Variants in CNKSR3 observed in about 807,000 individuals in gnomAD.
CNKSR3 encodes the protein CNKSR family member 3, also known as connector enhancer of kinase suppressor of ras 3.
A neutral mutation model predicts 67.7 loss-of-function variants in CNKSR3; 36 were observed. The observed-to-expected ratio is 0.53, with a 90% CI of 0.41 to 0.70. CNKSR3 has a LOEUF of 0.70. CNKSR3 is among the 30% of genes least tolerant of loss of function. The pLI, the probability that CNKSR3 is intolerant of heterozygous loss-of-function variation, is 0.00. For missense variants in CNKSR3, 630 were observed against 695.2 expected (o/e 0.91, Z 1.05); for synonymous variants, 281 against 271.4 (o/e 1.04, Z -0.35).
intron 9 of CNKSR3, among the ~76,000 whole-genome samples, chr6:154,416,607 G>C (rs1400646353): frequency 6.6e-6 from 1 of 152,122 alleles, no homozygotes; most frequent in African/African-American, 2.4e-5. Flanking sequence ...TCAAAACAGA[G>C]TGGTGAATGC....
At chr6:154,492,762 A>AAC (rs1786806551) in intron 1 of CNKSR3, among the ~76,000 whole-genome samples, 1 of 151,626 alleles carries the variant, frequency 6.6e-6, no homozygotes, top group Admixed American at 6.6e-5. Context: ...AAAAAAACAA[A>AAC]AAACAAAAAA....
chr6:154,413,528 C>T (rs73572877), intron 10 of CNKSR3, among the ~76,000 whole-genome samples: 2,522 of 152,152 alleles, frequency 0.017, 74 homozygotes, highest in African/African-American at 0.058. Context: ...CCATACCTGG[C>T]CACATAGGTT....
intron 1 of CNKSR3, among the ~76,000 whole-genome samples, chr6:154,502,584 C>G (rs1582907501): frequency 6.6e-6 from 1 of 152,136 alleles, no homozygotes; most frequent in African/African-American, 2.4e-5. Flanking sequence ...AGAACAGAAG[C>G]CTGTGAGGCC....
rs1784719740 is a variant in CNKSR3 at position 154,401,740 on chromosome 6, A to G, written c.*4614T>C. ...GCAAAATGTGAACTAATGGTCTACA[A>G]AACTAATCTCATCTACAATAGAAGA... On this transcript the variant is annotated 3_prime_UTR_variant, in exon 13 of 13. Coordinates refer to ENST00000607772, the MANE Select transcript of CNKSR3 (RefSeq NM_173515.4). 6.6e-6 allele frequency: 1 copy of G among 152,228 alleles called. No individual in the cohort carries two copies. The highest frequency in any genetic ancestry group is 1.9e-4 in the East Asian group (1 of 5,202). 9.4% of individuals were successfully genotyped at this position (152,228 alleles called of 1,614,324 possible).
At position 154,406,279 on chromosome 6, in the gene CNKSR3, C is replaced by T. The variant is rs1234416746; in HGVS notation, c.*75G>A. The T allele has an allele frequency of 3.3e-5, 46 of 1,379,498 alleles. No homozygotes were observed. In the South Asian group the frequency reaches 4.2e-4, roughly 13 times the overall value. 85.5% of individuals were successfully genotyped at this position (1,379,498 alleles called of 1,614,324 possible). On this transcript the variant is annotated 3_prime_UTR_variant, in exon 13 of 13. Transcript: ENST00000607772. ...TCCCTACATAATACTGAGGCTGAAA[C>T]GAGAAGAGGCTGTCCACTGTAAAAG... is the stretch of plus-strand genomic sequence containing the variant.
At chr6:154,483,976 A>G (rs1308220529) in intron 1 of CNKSR3, among the ~76,000 whole-genome samples, 1 of 152,116 alleles carries the variant, frequency 6.6e-6, no homozygotes, top group Non-Finnish European at 1.5e-5. Flanking sequence ...GGTGGATGGG[A>G]CCTACAAAGC....
At chr6:154,459,888 GA>G (rs1786042609) in intron 1 of CNKSR3, among the ~76,000 whole-genome samples, 1 of 152,248 alleles carries the variant, frequency 6.6e-6, no homozygotes, top group Admixed American at 6.5e-5. Flanking sequence ...GCCCTCATTT[GA>G]GGTTTCTGAA....
At chr6:154,496,291 T>C (rs1047088092) in intron 1 of CNKSR3, among the ~76,000 whole-genome samples, 1 of 152,182 alleles carries the variant, frequency 6.6e-6, no homozygotes, top group African/African-American at 2.4e-5. Flanking sequence ...AGCTGGCTGT[T>C]TGAAGGTAAT....
intron 9 of CNKSR3, chr6:154,414,702 ACAT>A: frequency 1.8e-6 from 1 of 563,494 alleles, no homozygotes; most frequent in Middle Eastern, 2.9e-4. Flanking sequence ...AATCACTTAA[ACAT>A]CTGTGGCCTC....
intron 1 of CNKSR3, among the ~76,000 whole-genome samples, chr6:154,497,291 T>TGA (rs1048949736): frequency 1.1e-4 from 16 of 151,866 alleles, no homozygotes; most frequent in African/African-American, 3.6e-4. Context: ...CTTAGGAGGC[T>TGA]GAGGCAGGAG....
In CNKSR3 at chr6:154,484,428, G is replaced by A. The variant is rs529915745; in HGVS notation, c.52+25635C>T. ...GTTCACTATAAGGATACTCCTGGCC[G>A]GGCACAGTGGCTCACGCCTGTAATC... On this transcript the variant is annotated intron_variant, in intron 1 of 12. Coordinates refer to ENST00000607772, the MANE Select transcript of CNKSR3 (RefSeq NM_173515.4). Among the ~76,000 whole-genome samples, 76 of 152,186 alleles carry A rather than the reference G, an allele frequency of 5.0e-4. No homozygotes were observed. In the South Asian group the frequency reaches 8.3e-3, roughly 17 times the overall value.
rs553800256 is a variant in CNKSR3 at position 154,406,253 on chromosome 6, G to A, written c.*101C>T. 10 of 1,074,830 alleles carry A rather than the reference G, an allele frequency of 9.3e-6. No individual in the cohort carries two copies. The East Asian group carries it at 2.1e-4, about 22-fold the overall frequency. The allele number at this position is 1,074,830 out of a possible 1,614,324, so 66.6% of individuals were successfully genotyped here. ...TCAAAAGAAAAAGAAATTGCATAAG[G>A]TCCCTACATAATACTGAGGCTGAAA... is the stretch of plus-strand genomic sequence containing the variant. On this transcript the variant is annotated 3_prime_UTR_variant, in exon 13 of 13. Transcript: ENST00000607772.
chr6:154,484,656 C>T (rs1157281384), intron 1 of CNKSR3, among the ~76,000 whole-genome samples: 6 of 142,414 alleles, frequency 4.2e-5, no homozygotes, highest in Admixed American at 2.8e-4. Flanking sequence ...GAGCTAAGAT[C>T]GCATCATTGC....
chr6:154,456,543 C>CAA (rs796270097), intron 1 of CNKSR3, among the ~76,000 whole-genome samples: 14 of 108,430 alleles, frequency 1.3e-4, no homozygotes, highest in South Asian at 3.0e-4. Flanking sequence ...ACTAAAAATA[C>CAA]AAAAAAAAAA....
At chr6:154,414,274 A>G in intron 10 of CNKSR3, 25 bp downstream of exon 10, 1 of 1,558,244 alleles carries the variant, frequency 6.4e-7, no homozygotes, top group Non-Finnish European at 8.6e-7. Context: ...AGACAAGCAT[A>G]CCATGACAAT....
At chr6:154,437,307 G>A (rs1785490877) in intron 4 of CNKSR3, among the ~76,000 whole-genome samples, 1 of 151,902 alleles carries the variant, frequency 6.6e-6, no homozygotes, top group Non-Finnish European at 1.5e-5. Context: ...ACGCACATGG[G>A]GTAAGCCACA....
chr6:154,457,826 G>A (rs549596147), intron 1 of CNKSR3, among the ~76,000 whole-genome samples: 1 of 152,162 alleles, frequency 6.6e-6, no homozygotes, highest in African/African-American at 2.4e-5. Flanking sequence ...CAGTCCATTA[G>A]CTCAACACAG....
intron 1 of CNKSR3, among the ~76,000 whole-genome samples, chr6:154,469,176 C>A (rs1044502153): frequency 7.2e-5 from 11 of 152,100 alleles, no homozygotes; most frequent in African/African-American, 2.7e-4. Context: ...CTTAAATAAG[C>A]AAGTTAATCT....
At chr6:154,498,402 A>C (rs1332235229) in intron 1 of CNKSR3, among the ~76,000 whole-genome samples, 1 of 152,180 alleles carries the variant, frequency 6.6e-6, no homozygotes, top group African/African-American at 2.4e-5. Context: ...GAAATGTCAC[A>C]TAGAAACCCA....
Sources: allele counts gnomAD v4.1 joint callset (sites outside exome capture counted in the v4.1 genomes callset), GRCh38; gene constraint gnomAD v4.1.1; transcripts MANE v1.5; gene names NCBI Gene and HGNC (gene_info 2026-07-23, HGNC 2026-07-21).